Variants in CDH13 observed in about 807,000 individuals in gnomAD.
CDH13 encodes cadherin 13.
In CDH13, 24 loss-of-function variants were observed where a neutral mutation model predicts 63.8. The observed-to-expected ratio is 0.38, with a 90% CI of 0.27 to 0.53. The LOEUF is 0.53. Among genes scored for constraint, CDH13 ranks in the 20% least tolerant of loss-of-function variants. The pLI is 0.85. For missense variants in CDH13, 1,049 were observed against 903.1 expected (o/e 1.16, Z -2.07); for synonymous variants, 503 against 355.3 (o/e 1.42, Z -4.67).
intron 3 of CDH13, among the ~76,000 whole-genome samples, chr16:83,067,818 C>T (rs79836037): frequency 0.016 from 2,465 of 152,162 alleles, 63 homozygotes; most frequent in African/African-American, 0.056. Context: ...TGTTCCTGCC[C>T]CTCTCTTCTT....
chr16:82,979,806 G>C (rs1443113120), intron 2 of CDH13, among the ~76,000 whole-genome samples: 1 of 152,148 alleles, frequency 6.6e-6, no homozygotes, highest in Non-Finnish European at 1.5e-5. Context: ...AAAACAATAA[G>C]ATCAGAACAG....
chr16:82,964,638 T>G (rs1263143413), intron 2 of CDH13, among the ~76,000 whole-genome samples: 1 of 152,212 alleles, frequency 6.6e-6, no homozygotes, highest in Non-Finnish European at 1.5e-5. Flanking sequence ...TAACACTTCT[T>G]CATAAAGGGA....
At chr16:82,793,237 T>G (rs896180773) in intron 1 of CDH13, among the ~76,000 whole-genome samples, 2 of 152,182 alleles carry the variant, frequency 1.3e-5, no homozygotes, top group African/African-American at 4.8e-5. Context: ...ATGGGGAATT[T>G]CAATCAACCT....
At chr16:83,758,588 A>C (rs1320672383) in intron 11 of CDH13, among the ~76,000 whole-genome samples, 1 of 152,238 alleles carries the variant, frequency 6.6e-6, no homozygotes, top group African/African-American at 2.4e-5. Flanking sequence ...TACTAGGCTT[A>C]GGAATTAAAA....
intron 1 of CDH13, among the ~76,000 whole-genome samples, chr16:82,735,777 G>A (rs2033641288): frequency 6.6e-6 from 1 of 152,214 alleles, no homozygotes; most frequent in African/African-American, 2.4e-5. Context: ...TTGAACAGCA[G>A]CGTTCTGCCA....
intron 5 of CDH13, among the ~76,000 whole-genome samples, chr16:83,319,933 C>G (rs1272161471): frequency 6.6e-6 from 1 of 152,210 alleles, no homozygotes; most frequent in Admixed American, 6.5e-5. Context: ...AGCCCACAGA[C>G]AGTAGACGTT....
chr16:83,036,471 T>C (rs1016063992), intron 3 of CDH13, among the ~76,000 whole-genome samples: 3 of 152,064 alleles, frequency 2.0e-5, no homozygotes, highest in African/African-American at 4.8e-5. Flanking sequence ...GCTTTAACAG[T>C]AGGTTCTATT....
intron 4 of CDH13, among the ~76,000 whole-genome samples, chr16:83,127,618 T>C (rs2151648562): frequency 6.6e-6 from 1 of 152,136 alleles, no homozygotes; most frequent in Admixed American, 6.5e-5. Flanking sequence ...TCCCAGCTAC[T>C]TGGGAAGCTG....
intron 6 of CDH13, among the ~76,000 whole-genome samples, chr16:83,390,977 C>A (rs906600544): frequency 6.6e-6 from 1 of 152,142 alleles, no homozygotes; most frequent in African/African-American, 2.4e-5. Context: ...GATTGCTTGT[C>A]TTAGCTTTCA....
chr16:83,334,593 C>G (rs967568331), intron 5 of CDH13, among the ~76,000 whole-genome samples: 6 of 151,804 alleles, frequency 4.0e-5, no homozygotes, highest in Non-Finnish European at 7.4e-5. Flanking sequence ...TCAGGCTGGT[C>G]TCAAACTCCT....
intron 1 of CDH13, among the ~76,000 whole-genome samples, chr16:82,720,648 A>G (rs752611368): frequency 6.6e-6 from 1 of 151,908 alleles, no homozygotes; most frequent in Non-Finnish European, 1.5e-5. Context: ...CAAACTCCAC[A>G]CACAGGGTGG....
intron 2 of CDH13, among the ~76,000 whole-genome samples, chr16:82,959,799 C>T (rs571308074): frequency 1.3e-5 from 2 of 152,082 alleles, no homozygotes; most frequent in Non-Finnish European, 2.9e-5. Flanking sequence ...TGTTTTTAAC[C>T]CTCTACCTGC....
At chr16:83,465,649 G>A (rs1490397491) in intron 6 of CDH13, among the ~76,000 whole-genome samples, 1 of 152,194 alleles carries the variant, frequency 6.6e-6, no homozygotes, top group Non-Finnish European at 1.5e-5. Context: ...GGAATTATAT[G>A]GAACACTCAA....
intron 2 of CDH13, among the ~76,000 whole-genome samples, chr16:83,023,302 C>G (rs1253687069): frequency 6.6e-6 from 1 of 151,950 alleles, no homozygotes; most frequent in African/African-American, 2.4e-5. Context: ...TTTTCACTAC[C>G]CCCCGACTCC....
intron 4 of CDH13, among the ~76,000 whole-genome samples, chr16:83,174,578 A>T (rs184166921): frequency 1.3e-3 from 203 of 152,196 alleles, no homozygotes; most frequent in African/African-American, 4.7e-3. Flanking sequence ...TGCACTGTCC[A>T]GTTAGGTAGC....
At chr16:83,661,838 C>G (rs1262786800) in intron 8 of CDH13, among the ~76,000 whole-genome samples, 3 of 152,172 alleles carry the variant, frequency 2.0e-5, no homozygotes, top group Non-Finnish European at 4.4e-5. Context: ...GAAGTGTGCC[C>G]TGAGGGGAAG....
chr16:82,657,435 A>T (rs1911426373), intron 1 of CDH13, among the ~76,000 whole-genome samples: 1 of 152,242 alleles, frequency 6.6e-6, no homozygotes, highest in South Asian at 2.1e-4. Context: ...ACTGAAGAAA[A>T]TGATAATTCA....
chr16:83,215,942 T>C (rs1004305713), intron 4 of CDH13, among the ~76,000 whole-genome samples: 3 of 152,138 alleles, frequency 2.0e-5, no homozygotes, highest in African/African-American at 4.8e-5. Context: ...ATTCCACTTA[T>C]GCCAATAATA....
At chr16:83,465,285 G>T (rs2073280816) in intron 6 of CDH13, among the ~76,000 whole-genome samples, 1 of 152,208 alleles carries the variant, frequency 6.6e-6, no homozygotes, top group Non-Finnish European at 1.5e-5. Context: ...CAGCTACAAA[G>T]GCGACAGAAG....
Sources: allele counts gnomAD v4.1 joint callset (sites outside exome capture counted in the v4.1 genomes callset), GRCh38; gene constraint gnomAD v4.1.1; transcripts MANE v1.5; gene names NCBI Gene and HGNC (gene_info 2026-07-23, HGNC 2026-07-21).